Variants in MSRB3 observed in about 807,000 individuals in gnomAD.
MSRB3 encodes methionine sulfoxide reductase B3.
In MSRB3, 13 loss-of-function variants were observed where a neutral mutation model predicts 21.0. The observed-to-expected ratio is 0.62, with a 90% CI of 0.40 to 0.98. The LOEUF is 0.98. Ranked by LOEUF, MSRB3 falls within the 50% of genes least tolerant of loss-of-function variation. MSRB3 has a pLI of 0.00. For missense variants in MSRB3, 199 were observed against 230.3 expected (o/e 0.86, Z 0.88); for synonymous variants, 87 against 88.6 (o/e 0.98, Z 0.10).
intron 5 of MSRB3, among the ~76,000 whole-genome samples, chr12:65,442,055 G>A (rs1882406799): frequency 6.6e-6 from 1 of 151,930 alleles, no homozygotes; most frequent in South Asian, 2.1e-4. Flanking sequence ...TTTAGTAGGT[G>A]GACTAAGTTT....
At chr12:65,297,206 A>G (rs915298819) in intron 1 of MSRB3, among the ~76,000 whole-genome samples, 1 of 150,922 alleles carries the variant, frequency 6.6e-6, no homozygotes, top group South Asian at 2.1e-4. Context: ...GCAACACACA[A>G]TGGGGCCTGT....
intron 4 of MSRB3, among the ~76,000 whole-genome samples, chr12:65,356,943 A>AT (rs1253013149): frequency 4.0e-5 from 6 of 151,822 alleles, no homozygotes; most frequent in African/African-American, 1.2e-4. Context: ...TATCCTTATG[A>AT]TTTTTTTAAA....
At chr12:65,337,160 G>C (rs951971905) in intron 4 of MSRB3, among the ~76,000 whole-genome samples, 1 of 151,848 alleles carries the variant, frequency 6.6e-6, no homozygotes. Flanking sequence ...GGAGAATGGC[G>C]TGAACCCGGA....
intron 2 of MSRB3, among the ~76,000 whole-genome samples, chr12:65,317,547 A>C (rs1159929561): frequency 6.6e-6 from 1 of 152,164 alleles, no homozygotes; most frequent in Non-Finnish European, 1.5e-5. Flanking sequence ...TGCAAGAGGA[A>C]TAACATGTTA....
intron 6 of MSRB3, among the ~76,000 whole-genome samples, chr12:65,462,035 A>T (rs945907746): frequency 6.6e-6 from 1 of 152,202 alleles, no homozygotes; most frequent in Non-Finnish European, 1.5e-5. Context: ...TCCCACTAGA[A>T]TGTAAGCTCT....
chr12:65,344,416 C>G (rs1876350015), intron 4 of MSRB3, among the ~76,000 whole-genome samples: 1 of 151,856 alleles, frequency 6.6e-6, no homozygotes, highest in African/African-American at 2.4e-5. Context: ...AAAAAGAGAT[C>G]TAGAGAAACT....
chr12:65,309,677 T>C (rs1873869228), intron 2 of MSRB3, among the ~76,000 whole-genome samples: 1 of 152,158 alleles, frequency 6.6e-6, no homozygotes, highest in South Asian at 2.1e-4. Flanking sequence ...CTCTGAAGTT[T>C]AAGGAGGGCA....
intron 5 of MSRB3, among the ~76,000 whole-genome samples, chr12:65,370,497 G>A (rs17824714): frequency 0.029 from 4,384 of 152,114 alleles, 116 homozygotes; most frequent in African/African-American, 0.06. Flanking sequence ...AAATGAATAC[G>A]TCCACTAGGT....
chr12:65,376,429 A>T (rs879943764), intron 5 of MSRB3, among the ~76,000 whole-genome samples: 1 of 152,154 alleles, frequency 6.6e-6, no homozygotes, highest in Non-Finnish European at 1.5e-5. Flanking sequence ...GCTTCTTTAG[A>T]TATTACCATC....
intron 5 of MSRB3, among the ~76,000 whole-genome samples, chr12:65,417,715 A>G (rs1881054066): frequency 1.3e-5 from 2 of 152,214 alleles, no homozygotes; most frequent in South Asian, 4.1e-4. Context: ...GATTCCATAT[A>G]TAAGTTAGAT....
chr12:65,341,419 G>C (rs919582982), intron 4 of MSRB3, among the ~76,000 whole-genome samples: 3 of 151,936 alleles, frequency 2.0e-5, no homozygotes, highest in South Asian at 2.1e-4. Context: ...GGAACAGTTG[G>C]GGGGAAGGGA....
At chr12:65,416,240 C>G (rs1302387426) in intron 5 of MSRB3, among the ~76,000 whole-genome samples, 1 of 152,226 alleles carries the variant, frequency 6.6e-6, no homozygotes, top group Non-Finnish European at 1.5e-5. Flanking sequence ...TAATTGCTAG[C>G]TCCATATCAT....
chr12:65,366,839 A>G (rs2136528993), intron 4 of MSRB3, among the ~76,000 whole-genome samples: 1 of 152,310 alleles, frequency 6.6e-6, no homozygotes, highest in South Asian at 2.1e-4. Flanking sequence ...CACCAGGAGA[A>G]GTCCTGGGAG....
chr12:65,442,968 T>C (rs148328723), intron 5 of MSRB3, among the ~76,000 whole-genome samples: 1 of 152,184 alleles, frequency 6.6e-6, no homozygotes, highest in Admixed American at 6.6e-5. Context: ...GTTGAAATGG[T>C]TTGAGTTCAG....
At chr12:65,460,891 T>A (rs1463826020) in intron 6 of MSRB3, among the ~76,000 whole-genome samples, 1 of 152,180 alleles carries the variant, frequency 6.6e-6, no homozygotes, top group Non-Finnish European at 1.5e-5. Context: ...TTTGGATTTT[T>A]AAAATATGAT....
chr12:65,367,293 T>C (rs1273744007), intron 4 of MSRB3, among the ~76,000 whole-genome samples: 1 of 152,176 alleles, frequency 6.6e-6, no homozygotes, highest in Non-Finnish European at 1.5e-5. Flanking sequence ...GGAGCACTTA[T>C]ATGATGAAGG....
chr12:65,324,399 C>T (rs1190584521), intron 2 of MSRB3, among the ~76,000 whole-genome samples: 1 of 152,180 alleles, frequency 6.6e-6, no homozygotes, highest in African/African-American at 2.4e-5. Flanking sequence ...GTCTCTGTAG[C>T]ACAGTTAATG....
At chr12:65,343,601 G>A (rs1376093122) in intron 4 of MSRB3, among the ~76,000 whole-genome samples, 1 of 152,010 alleles carries the variant, frequency 6.6e-6, no homozygotes, top group Non-Finnish European at 1.5e-5. Context: ...ATTTTGCTAA[G>A]CACTTTAAAG....
chr12:65,401,588 T>G (rs1236187111), intron 5 of MSRB3, among the ~76,000 whole-genome samples: 1 of 152,218 alleles, frequency 6.6e-6, no homozygotes, highest in Non-Finnish European at 1.5e-5. Flanking sequence ...GTCTTTTAAT[T>G]GGGGCATTTA....
Sources: allele counts gnomAD v4.1 joint callset (sites outside exome capture counted in the v4.1 genomes callset), GRCh38; gene constraint gnomAD v4.1.1; transcripts MANE v1.5; gene names NCBI Gene and HGNC (gene_info 2026-07-23, HGNC 2026-07-21).